The following MRTFA variants were observed in gnomAD, a reference collection of about 807,000 sequenced individuals.
MRTFA encodes myocardin related transcription factor A, also known as myocardin-related transcription factor A.
Under a neutral mutation model 83.5 loss-of-function variants are expected in MRTFA, and 20 were observed. The ratio of observed to expected loss-of-function variants is 0.24; its 90% confidence interval spans 0.17 to 0.35. The LOEUF is 0.35. MRTFA is among the 10% of genes least tolerant of loss of function. The pLI is 1.00. For missense variants in MRTFA, 1,200 were observed against 1,224.7 expected (o/e 0.98, Z 0.30); for synonymous variants, 659 against 541.2 (o/e 1.22, Z -3.02).
At chr22:40,551,701 AG>A (rs1223254030) in intron 3 of MRTFA, among the ~76,000 whole-genome samples, 1 of 152,194 alleles carries the variant, frequency 6.6e-6, no homozygotes, top group Non-Finnish European at 1.5e-5. Context: ...TCATCCCACA[AG>A]GCAATCACTG....
intron 3 of MRTFA, among the ~76,000 whole-genome samples, chr22:40,534,601 T>C (rs917406516): frequency 1.3e-5 from 2 of 152,198 alleles, no homozygotes; most frequent in Non-Finnish European, 2.9e-5. Flanking sequence ...CTCAAACTCC[T>C]AGGCTCAAGC....
At chr22:40,511,486 G>A (rs1306513375) in intron 3 of MRTFA, among the ~76,000 whole-genome samples, 2 of 152,164 alleles carry the variant, frequency 1.3e-5, no homozygotes, top group Non-Finnish European at 2.9e-5. Flanking sequence ...ACATATACAC[G>A]TATCACATGT....
chr22:40,608,326 C>T (rs140755329), intron 1 of MRTFA, among the ~76,000 whole-genome samples: 280 of 152,200 alleles, frequency 1.8e-3, no homozygotes, highest in African/African-American at 5.9e-3. Flanking sequence ...TGTCATCTAA[C>T]TTAAGGTCCT....
At chr22:40,490,359 G>A (rs1397811326) in intron 3 of MRTFA, among the ~76,000 whole-genome samples, 1 of 152,172 alleles carries the variant, frequency 6.6e-6, no homozygotes, top group Non-Finnish European at 1.5e-5. Context: ...CTAGCACTTT[G>A]GGAGGCCAAG....
At chr22:40,515,202 C>T (rs1205954273) in intron 3 of MRTFA, among the ~76,000 whole-genome samples, 1 of 151,946 alleles carries the variant, frequency 6.6e-6, no homozygotes, top group Admixed American at 6.6e-5. Context: ...CCACTGTGCC[C>T]GGCCTTCTCC....
intron 3 of MRTFA, among the ~76,000 whole-genome samples, chr22:40,512,424 G>A (rs1236977681): frequency 6.6e-6 from 1 of 152,176 alleles, no homozygotes; most frequent in African/African-American, 2.4e-5. Context: ...CAATCACCTA[G>A]AAACATACCT....
At chr22:40,505,574 G>A (rs975047374) in intron 3 of MRTFA, among the ~76,000 whole-genome samples, 13 of 152,206 alleles carry the variant, frequency 8.5e-5, no homozygotes, top group Non-Finnish European at 1.6e-4. Flanking sequence ...CCAAAATTCA[G>A]GAGTTGTCAA....
chr22:40,470,012 T>A (rs1184110397), intron 3 of MRTFA, among the ~76,000 whole-genome samples: 1 of 151,520 alleles, frequency 6.6e-6, no homozygotes, highest in Non-Finnish European at 1.5e-5. Flanking sequence ...TCACCTCAGG[T>A]CAGCAGTTCA....
intron 1 of MRTFA, among the ~76,000 whole-genome samples, chr22:40,595,627 A>G (rs547332969): frequency 6.6e-6 from 1 of 152,260 alleles, no homozygotes; most frequent in South Asian, 2.1e-4. Context: ...CAAAACAAAA[A>G]CAGTTCAAGA....
intron 3 of MRTFA, among the ~76,000 whole-genome samples, chr22:40,496,381 A>G (rs55663513): frequency 6.8e-6 from 1 of 146,242 alleles, no homozygotes; most frequent in East Asian, 2.0e-4. Context: ...AGAGAGTAGA[A>G]GCACAGTCAC....
At chr22:40,422,332 G>T (rs1346748430) in intron 9 of MRTFA, among the ~76,000 whole-genome samples, 1 of 152,252 alleles carries the variant, frequency 6.6e-6, no homozygotes, top group Non-Finnish European at 1.5e-5. Flanking sequence ...CACTGGTGAG[G>T]TGACTGAAGA....
chr22:40,560,248 G>T (rs970084871), intron 2 of MRTFA, among the ~76,000 whole-genome samples: 2 of 152,132 alleles, frequency 1.3e-5, no homozygotes, highest in Admixed American at 1.3e-4. Flanking sequence ...GTATATGTTT[G>T]ATAACATTCT....
At chr22:40,514,830 T>C (rs1402516890) in intron 3 of MRTFA, among the ~76,000 whole-genome samples, 1 of 151,936 alleles carries the variant, frequency 6.6e-6, no homozygotes, top group Non-Finnish European at 1.5e-5. Context: ...CAGGGAAACA[T>C]TTCTTTGGAG....
intron 3 of MRTFA, among the ~76,000 whole-genome samples, chr22:40,550,997 ATGTGCCACC>A (rs2055436791): frequency 6.6e-6 from 1 of 151,692 alleles, no homozygotes. Flanking sequence ...GATTACAAGC[ATGTGCCACC>A]ATGCCTGGCT....
intron 2 of MRTFA, among the ~76,000 whole-genome samples, chr22:40,575,675 C>G (rs957739047): frequency 1.3e-5 from 2 of 152,136 alleles, no homozygotes; most frequent in African/African-American, 4.8e-5. Flanking sequence ...TGAACAGCAC[C>G]ATTATTTTAG....
rs2053622649 is a variant in MRTFA, at chr22:40,457,728, C to T, written c.307+5493G>A. Among the ~76,000 whole-genome samples the T allele has an allele frequency of 2.0e-5, 3 of 152,170 alleles. No homozygotes were observed. The South Asian group carries it at 6.2e-4, about 32-fold the overall frequency. ...CGTGTTATTCAAGGTTTTTCTACTA[C>T]TGGCACATGGGAAAATAGTAAGTTG... On this transcript the variant is annotated intron_variant, in intron 4 of 14. Coordinates refer to ENST00000355630, the MANE Select transcript of MRTFA (RefSeq NM_020831.6).
chr22:40,538,443 G>A (rs1021011107), intron 3 of MRTFA, among the ~76,000 whole-genome samples: 2 of 150,688 alleles, frequency 1.3e-5, no homozygotes, highest in African/African-American at 2.4e-5. Context: ...AAGGCCGCAG[G>A]GTCCTCTGCC....
intron 3 of MRTFA, among the ~76,000 whole-genome samples, chr22:40,538,985 CTTTTGTTTTTTTTT>C (rs1025947463): frequency 1.4e-4 from 15 of 106,886 alleles, no homozygotes; most frequent in South Asian, 2.8e-4. Flanking sequence ...GATACACAGC[CTTTTGTTTTTTTTT>C]TTTTTTTTTT....
At chr22:40,527,923 G>GAA (rs111277270) in intron 3 of MRTFA, among the ~76,000 whole-genome samples, 6 of 151,018 alleles carry the variant, frequency 4.0e-5, no homozygotes, top group African/African-American at 1.5e-4. Context: ...CAAAAAGGAG[G>GAA]AAAAAAAAAG....
Sources: allele counts gnomAD v4.1 joint callset (sites outside exome capture counted in the v4.1 genomes callset), GRCh38; gene constraint gnomAD v4.1.1; transcripts MANE v1.5; gene names NCBI Gene and HGNC (gene_info 2026-07-23, HGNC 2026-07-21).